The following SLC23A1 variants were observed in gnomAD, a reference collection of about 807,000 sequenced individuals.
SLC23A1 encodes the protein Na(+)/L-ascorbic acid transporter 1.
SLC23A1 carries 31 observed loss-of-function variants against 62.5 expected under a neutral mutation model. The ratio of observed to expected loss-of-function variants is 0.50; its 90% CI spans 0.37 to 0.67. The LOEUF is 0.67. SLC23A1 is among the 30% of genes least tolerant of loss of function. The pLI, the probability that SLC23A1 is intolerant of heterozygous loss-of-function variation, is 0.00. For missense variants in SLC23A1, 640 were observed against 782.7 expected (o/e 0.82, Z 2.18); for synonymous variants, 271 against 313.2 (o/e 0.87, Z 1.42).
Position 139,379,089 on chromosome 5 carries a change from G to A in SLC23A1, c.1073+118C>T. The A allele has an allele frequency of 1.0e-6, 1 of 995,406 alleles. No homozygotes were observed. Among genetic ancestry groups the A allele is most frequent in the Non-Finnish European group, 1.6e-6 (1 of 639,940 alleles). The allele number at this position is 995,406 out of a possible 1,614,324, so 61.7% of individuals were successfully genotyped here. A position where few individuals can be genotyped will look rare whatever the true frequency, so the allele number is the denominator to read the frequency against. ...CCATCGCACAAACAAGGAGAATGAG[G>A]TCTGGAGCGTGTTCCCGACTTGCCT... On this transcript the variant is annotated intron_variant, in intron 9 of 14. Transcript: ENST00000348729. The surrounding 1 kb of genome is among the most constrained non-coding windows in gnomAD (Gnocchi z 4.7).
chr5:139,368,864 C>CT, intron 14 of SLC23A1: 1 of 1,186,104 alleles, frequency 8.4e-7, no homozygotes, highest in Non-Finnish European at 1.2e-6. Flanking sequence ...TATTAGAAGA[C>CT]TTAATTGTAA....
intron 13 of SLC23A1, among the ~76,000 whole-genome samples, chr5:139,373,523 T>C (rs1453199247): frequency 6.6e-6 from 1 of 152,070 alleles, no homozygotes; most frequent in Non-Finnish European, 1.5e-5. Context: ...TGGGGCAGGG[T>C]CACATGAGAT....
At chr5:139,382,628 G>A (rs1321582431) in intron 1 of SLC23A1, 23 bp from the exon 2 acceptor site, 5 of 1,469,192 alleles carry the variant, frequency 3.4e-6, no homozygotes, top group Non-Finnish European at 3.8e-6. Flanking sequence ...GAGATAAGTA[G>A]CTTAGGGTGA....
rs777308625 is a variant in SLC23A1, at chr5:139,378,050, C to T, written c.1378G>A (p.Val460Met). 2.5e-6 allele frequency: 4 copies of T among 1,614,136 alleles called. No individual in the cohort carries two copies. Among genetic ancestry groups the T allele is most frequent in the South Asian group, 2.2e-5 (2 of 91,064 alleles). ...CCGAAGAACATGGAAAATCCCAGCA[C>T]GAAGAGGTTGCGAGAGGAGTTCATG... ...VDMNSSRNLFVLGFSMFFGLT... is the reference protein window; with the variant it reads ...VDMNSSRNLFMLGFSMFFGLT... Residue 460 changes from valine (V) to methionine (M), a missense_variant, in exon 12 of 15, where the codon GTG (valine) becomes ATG (methionine). Val to Met is a conservative substitution (Grantham distance 21). Coordinates refer to ENST00000348729, the MANE Select transcript of SLC23A1 (RefSeq NM_005847.5). The surrounding 1 kb of genome is among the most constrained non-coding windows in gnomAD (Gnocchi z 4.5).
In SLC23A1 at chr5:139,382,579, G is replaced by A. The variant is rs748341168; in HGVS notation, c.63C>T (p.Thr21=). The A allele has an allele frequency of 1.9e-6, 3 of 1,613,078 alleles. No homozygotes were observed. The Admixed American group carries it at 5.0e-5, about 27-fold the overall frequency. ...TQHETTRDPS[T]PLPTEPKFDM... ...CAAACTTAGGCTCTGTGGGTAGCGG[G>A]GTCGAGGGGTCCCTGGTGGTTTCAT... Residue 21 remains threonine (T), a synonymous_variant, in exon 2 of 15, where the codon ACC becomes ACT. Transcript: ENST00000348729.
At chr5:139,384,633 C>G (rs990972489), upstream of SLC23A1, 22 of 1,233,736 alleles carry the variant, frequency 1.8e-5, no homozygotes, top group Admixed American at 5.8e-4. Context: ...AGACCAAGCC[C>G]GACCCCCTGC....
chr5:139,376,196 G>A (rs1757937559), intron 13 of SLC23A1, among the ~76,000 whole-genome samples: 1 of 79,054 alleles, frequency 1.3e-5, no homozygotes, highest in African/African-American at 4.8e-5. Context: ...TTGAGATGGA[G>A]TCTCACCCTG....
At position 139,378,030 on chromosome 5, in the gene SLC23A1, G is replaced by T; in HGVS notation, c.1398C>A (p.Phe466Leu). 1 of 1,614,122 alleles carries T rather than the reference G, an allele frequency of 6.2e-7. No homozygotes were observed. The highest frequency in any genetic ancestry group is 8.5e-7 in the Non-Finnish European group (1 of 1,179,984). Residue 466 changes from phenylalanine (F) to leucine (L), a missense_variant, in exon 12 of 15, where the codon TTC becomes TTA. Transcript: ENST00000348729. This position sits in a 1 kb window ranked among gnomAD's most constrained non-coding sequence, Gnocchi z 4.5. ...RNLFVLGFSM[F>L]FGLTLPNYLE... is the part of the protein sequence containing the mutation. ...GGTAATTGGGCAGCGTGAGCCCGAAGAACATGGAAAATCCCAGCACGAAGA... is the reference window on the plus strand; with the variant it reads ...GGTAATTGGGCAGCGTGAGCCCGAATAACATGGAAAATCCCAGCACGAAGA...
chr5:139,372,838 C>T (rs557028732), intron 13 of SLC23A1, among the ~76,000 whole-genome samples: 67 of 152,240 alleles, frequency 4.4e-4, no homozygotes, highest in African/African-American at 1.6e-3. Flanking sequence ...CTGGCTTGGC[C>T]TCCCAAAGTG....
intron 13 of SLC23A1, among the ~76,000 whole-genome samples, chr5:139,372,887 C>A (rs1024163515): frequency 6.6e-6 from 1 of 151,930 alleles, no homozygotes; most frequent in African/African-American, 2.4e-5. Flanking sequence ...CCGGCCTATA[C>A]AAAATTTTAA....
chr5:139,373,315 T>C (rs916329259), intron 13 of SLC23A1, among the ~76,000 whole-genome samples: 27 of 151,972 alleles, frequency 1.8e-4, no homozygotes, highest in Admixed American at 5.9e-4. Flanking sequence ...GTAGCTGGGA[T>C]TACAGGTGTG....
At chr5:139,368,266 G>A (rs1369200352) in intron 14 of SLC23A1, among the ~76,000 whole-genome samples, 1 of 152,116 alleles carries the variant, frequency 6.6e-6, no homozygotes, top group Non-Finnish European at 1.5e-5. Context: ...TGTGAACCCG[G>A]GAGGCGGAGC....
upstream of SLC23A1, among the ~76,000 whole-genome samples, chr5:139,383,670 C>T (rs929079799): frequency 6.6e-6 from 1 of 152,236 alleles, no homozygotes; most frequent in Non-Finnish European, 1.5e-5. Context: ...TTATCATCAT[C>T]ATCATAGTCA....
chr5:139,368,566 A>AT (rs1269818173), intron 14 of SLC23A1, among the ~76,000 whole-genome samples: 1 of 151,964 alleles, frequency 6.6e-6, no homozygotes, highest in African/African-American at 2.4e-5. Flanking sequence ...ATTTAATATG[A>AT]TATATAGCTT....
chr5:139,374,796 CAAAG>C (rs1757864125), intron 13 of SLC23A1, among the ~76,000 whole-genome samples: 3 of 152,282 alleles, frequency 2.0e-5, no homozygotes, highest in African/African-American at 7.2e-5. Flanking sequence ...ACCCAAGTCA[CAAAG>C]AAGCCTCTTC....
chr5:139,373,428 C>A, intron 13 of SLC23A1, among the ~76,000 whole-genome samples: 1 of 152,114 alleles, frequency 6.6e-6, no homozygotes. Flanking sequence ...GATCAGCCCG[C>A]CTTGGCCTTG....
At chr5:139,382,735 A>G (rs2064690738) in intron 1 of SLC23A1, 130 bp from the exon 2 acceptor site, 2 of 640,674 alleles carry the variant, frequency 3.1e-6, no homozygotes, top group Non-Finnish European at 5.6e-6. Flanking sequence ...GCCCTCCCCA[A>G]CAGTCCATCC....
At chr5:139,383,194 G>T in intron 1 of SLC23A1, 24 bp downstream of exon 1, 1 of 96,956 alleles carries the variant, frequency 1.0e-5, no homozygotes, top group Non-Finnish European at 1.8e-5. Context: ...GCCCCCCCTA[G>T]CCCCCACCCC....
In SLC23A1 at chr5:139,378,642, T is replaced by C. The variant is rs757300395; in HGVS notation, c.1116A>G (p.Leu372=). Residue 372 remains leucine, a synonymous_variant, in exon 10 of 15, where the codon CTA becomes CTG. Transcript: ENST00000348729. This position sits in a 1 kb window ranked among gnomAD's most constrained non-coding sequence, Gnocchi z 4.5. ...AGGTGGACCCGTTGCCCGTGCCCAA[T>C]AGCCCCGCGATGATGCAGCAAATGC... ...TEGICCIIAG[L]LGTGNGSTSS... 7.4e-6 allele frequency: 12 copies of C among 1,612,274 alleles called. No homozygotes were observed. In the South Asian group the frequency reaches 8.8e-5, roughly 12 times the overall value.
Sources: allele counts gnomAD v4.1 joint callset (sites outside exome capture counted in the v4.1 genomes callset), GRCh38; gene constraint gnomAD v4.1.1; non-coding constraint Gnocchi (gnomAD v3.1); transcripts MANE v1.5; gene names NCBI Gene and HGNC (gene_info 2026-07-23, HGNC 2026-07-21).